Variants in FAF1 observed in about 807,000 individuals in gnomAD.
FAF1 encodes the protein Fas associated factor 1, also known as FAS-associated factor 1.
Under a neutral mutation model 92.5 loss-of-function variants are expected in FAF1, and 25 were observed. The observed-to-expected ratio is 0.27, with a 90% CI of 0.20 to 0.38. FAF1 has a LOEUF of 0.38. Ranked by LOEUF, FAF1 falls within the 10% of genes least tolerant of loss-of-function variation. FAF1 has a pLI of 1.00. For missense variants in FAF1, 636 were observed against 793.3 expected (o/e 0.80, Z 2.38); for synonymous variants, 234 against 273.2 (o/e 0.86, Z 1.42).
At chr1:50,660,849 G>C (rs1473742720) in intron 7 of FAF1, among the ~76,000 whole-genome samples, 4 of 152,078 alleles carry the variant, frequency 2.6e-5, no homozygotes, top group Admixed American at 2.6e-4. Flanking sequence ...AATTGGTGGA[G>C]CCATTCTGAG....
intron 8 of FAF1, among the ~76,000 whole-genome samples, chr1:50,620,954 G>A (rs533267325): frequency 6.6e-6 from 1 of 152,364 alleles, no homozygotes; most frequent in Non-Finnish European, 1.5e-5. Context: ...GGTGTTCCGG[G>A]CCATGGGGCC....
chr1:50,896,072 A>C (rs1246768864), intron 1 of FAF1, among the ~76,000 whole-genome samples: 9 of 152,222 alleles, frequency 5.9e-5, no homozygotes. Flanking sequence ...AAACAAATAA[A>C]GGGTATCCAA....
At chr1:50,637,361 G>A (rs1654078056) in intron 8 of FAF1, among the ~76,000 whole-genome samples, 1 of 151,312 alleles carries the variant, frequency 6.6e-6, no homozygotes, top group Non-Finnish European at 1.5e-5. Context: ...GCTGAGGCAG[G>A]AGAATCGCTT....
rs569794874 is a variant in FAF1 at position 50,523,340 on chromosome 1, A to G, written c.1494+12029T>C. ...TATTTAACTTTTTGAGTAGTCAACA[A>G]ACTGTTTTCCATAGCAGCTGCCATT... is the stretch of plus-strand genomic sequence containing the variant. On this transcript the variant is annotated intron_variant, in intron 15 of 18. Transcript: ENST00000396153. Among the ~76,000 whole-genome samples the G allele has an allele frequency of 5.5e-4, 84 of 152,268 alleles. 1 individual carries two copies. The highest frequency in any genetic ancestry group is 2.0e-3 in the African/African-American group (82 of 41,566).
At chr1:50,635,849 T>A (rs1035847326) in intron 8 of FAF1, among the ~76,000 whole-genome samples, 23 of 152,186 alleles carry the variant, frequency 1.5e-4, no homozygotes, top group African/African-American at 5.5e-4. Context: ...GAAATTTAGG[T>A]CAGCTACTAG....
rs893175879 is a variant in FAF1 at position 50,944,241 on chromosome 1, GGGGATGGCAGACCCAGCA to G, written c.45+15508_45+15525del. ...ATGACAAATCATGATCAGAGCCATG[GGGGATGGCAGACCCAGCA>G]GGGATGGCAGACCCAGCAGTCAGCT... On this transcript the variant is annotated intron_variant, in intron 1 of 18. Transcript: ENST00000396153. Among the ~76,000 whole-genome samples the G allele has an allele frequency of 8.5e-5, 13 of 152,314 alleles. No homozygotes were observed. The South Asian group carries it at 1.2e-3, about 15-fold the overall frequency.
chr1:50,721,506 C>T (rs1322094783), intron 6 of FAF1, among the ~76,000 whole-genome samples: 2 of 151,998 alleles, frequency 1.3e-5, no homozygotes, highest in African/African-American at 4.8e-5. Flanking sequence ...AGCCACCGTG[C>T]CCGGCCGGAA....
At chr1:50,621,530 C>T (rs1219680376) in intron 8 of FAF1, among the ~76,000 whole-genome samples, 1 of 149,126 alleles carries the variant, frequency 6.7e-6, no homozygotes, top group Non-Finnish European at 1.5e-5. Context: ...CTCCCAAATA[C>T]CTGGGACTAC....
At chr1:50,494,850 A>G (rs1396878187) in intron 15 of FAF1, among the ~76,000 whole-genome samples, 1 of 152,250 alleles carries the variant, frequency 6.6e-6, no homozygotes, top group East Asian at 1.9e-4. Flanking sequence ...GTTATATACT[A>G]GAAATTCAGA....
At chr1:50,851,911 TA>T (rs905132155) in intron 2 of FAF1, among the ~76,000 whole-genome samples, 143 of 145,624 alleles carry the variant, frequency 9.8e-4, no homozygotes, top group Non-Finnish European at 1.0e-3. Context: ...CTCGGAAAGG[TA>T]AAAAAAAAAA....
At chr1:50,875,032 T>C (rs528024510) in intron 1 of FAF1, among the ~76,000 whole-genome samples, 41 of 151,996 alleles carry the variant, frequency 2.7e-4, no homozygotes, top group Admixed American at 7.2e-4. Flanking sequence ...TTCCCAGAAG[T>C]GTGAGAAAGT....
intron 2 of FAF1, among the ~76,000 whole-genome samples, chr1:50,807,800 T>A (rs1171542646): frequency 1.3e-5 from 2 of 152,186 alleles, no homozygotes; most frequent in Admixed American, 6.5e-5. Flanking sequence ...CTCATTGGCA[T>A]CCCTAAAAGA....
intron 8 of FAF1, among the ~76,000 whole-genome samples, chr1:50,606,673 TG>T (rs1244751648): frequency 6.6e-6 from 1 of 151,950 alleles, no homozygotes; most frequent in Non-Finnish European, 1.5e-5. Flanking sequence ...CTAATTTTTT[TG>T]TATTTTAGTA....
At chr1:50,564,560 G>A (rs747433632) in intron 13 of FAF1, among the ~76,000 whole-genome samples, 15 of 152,038 alleles carry the variant, frequency 9.9e-5, no homozygotes, top group East Asian at 1.9e-4. Context: ...GCAAGCAGTC[G>A]TCTACTGAAT....
chr1:50,813,130 GATTA>G (rs1304049788), intron 2 of FAF1, among the ~76,000 whole-genome samples: 2 of 151,872 alleles, frequency 1.3e-5, no homozygotes, highest in South Asian at 2.1e-4. Context: ...GCTTATTAGT[GATTA>G]ATTAATCTGT....
chr1:50,649,785 C>CAA (rs535636319), intron 8 of FAF1, among the ~76,000 whole-genome samples: 1,770 of 72,914 alleles, frequency 0.024, 16 homozygotes, highest in Middle Eastern at 0.048. Context: ...ACTAAAACTA[C>CAA]AAAAAAAAAA....
chr1:50,858,043 G>C, intron 1 of FAF1, 46 bp from the exon 2 acceptor site: 1 of 1,383,314 alleles, frequency 7.2e-7, no homozygotes, highest in Non-Finnish European at 1.0e-6. Context: ...TTTAGAAATA[G>C]GGAGGTAAAT....
intron 4 of FAF1, among the ~76,000 whole-genome samples, chr1:50,753,986 G>C (rs773404338): frequency 6.6e-6 from 1 of 151,946 alleles, no homozygotes; most frequent in Non-Finnish European, 1.5e-5. Context: ...TCGATCTCCT[G>C]ATCTCGTGAT....
chr1:50,905,858 G>C (rs1047697537), intron 1 of FAF1, among the ~76,000 whole-genome samples: 1 of 152,112 alleles, frequency 6.6e-6, no homozygotes, highest in African/African-American at 2.4e-5. Context: ...AGTTTCTTTT[G>C]CTGTGCAGAA....
Sources: gnomAD v4.1 joint callset for allele counts (sites outside exome capture counted in the v4.1 genomes callset) on GRCh38, gnomAD v4.1.1 for gene constraint, MANE v1.5 for transcripts, NCBI Gene and HGNC (gene_info 2026-07-23, HGNC 2026-07-21) for gene names.